Variants in CATSPERD observed in about 807,000 individuals in gnomAD.
CATSPERD encodes the protein cation channel sperm-associated auxiliary subunit delta.
A neutral mutation model predicts 98.1 loss-of-function variants in CATSPERD; 86 were observed. That is an observed-to-expected ratio of 0.88 (90% CI 0.74 to 1.05). The LOEUF is 1.05. Ranked by LOEUF, CATSPERD falls within the 50% of genes least tolerant of loss-of-function variation. The pLI is 0.00. For synonymous variants in CATSPERD, 394 were observed against 390.2 expected (o/e 1.01, Z -0.12); for missense variants, 995 against 1,005.7 (o/e 0.99, Z 0.14).
At chr19:5,773,013 G>T (rs772457363) in intron 20 of CATSPERD, 48 bp downstream of exon 20, 7 of 1,580,086 alleles carry the variant, frequency 4.4e-6, no homozygotes, top group Non-Finnish European at 6.1e-6. Flanking sequence ...AGCCCACCAG[G>T]GGGTGGGAGA....
intron 11 of CATSPERD, among the ~76,000 whole-genome samples, chr19:5,749,384 C>T (rs961478960): frequency 5.3e-5 from 8 of 151,764 alleles, no homozygotes; most frequent in Middle Eastern, 3.2e-3. Flanking sequence ...TCCAGTTACA[C>T]GGGAGGCTGA....
intron 3 of CATSPERD, among the ~76,000 whole-genome samples, chr19:5,728,128 G>T (rs1338855566): frequency 6.6e-6 from 1 of 151,630 alleles, no homozygotes; most frequent in Non-Finnish European, 1.5e-5. Context: ...GGGAGGCCGA[G>T]GTGGGGGGAT....
intron 2 of CATSPERD, among the ~76,000 whole-genome samples, chr19:5,725,802 A>G (rs2055593793): frequency 6.6e-6 from 1 of 151,766 alleles, no homozygotes; most frequent in Admixed American, 6.6e-5. Context: ...CGGGAGGCTG[A>G]GTCAGGAGAA....
At chr19:5,737,103 C>G (rs201852768) in intron 5 of CATSPERD, 35 bp from the exon 6 acceptor site, 5 of 1,409,054 alleles carry the variant, frequency 3.5e-6, no homozygotes, top group Non-Finnish European at 5.0e-6. Context: ...CTTCAGGGAA[C>G]TCATAAACAT....
chr19:5,742,048 AAAG>A (rs1027317497), intron 7 of CATSPERD, among the ~76,000 whole-genome samples: 7 of 151,862 alleles, frequency 4.6e-5, no homozygotes, highest in African/African-American at 1.7e-4. Flanking sequence ...GGAAAAAAAA[AAAG>A]AACAAACAAA....
intron 9 of CATSPERD, 32 bp from the exon 10 acceptor site, chr19:5,748,128 G>A (rs1229790804): frequency 1.9e-6 from 3 of 1,573,440 alleles, no homozygotes; most frequent in East Asian, 2.2e-5. Context: ...GATGTACACG[G>A]GGCCTCATGC....
At chr19:5,741,800 G>GGGGGGGGGGT (rs2055976568) in intron 7 of CATSPERD, among the ~76,000 whole-genome samples, 1 of 75,794 alleles carries the variant, frequency 1.3e-5, no homozygotes, top group Non-Finnish European at 3.3e-5. Context: ...GGGGGGGGGT[G>GGGGGGGGGGT]GTGTGGATCA....
intron 19 of CATSPERD, among the ~76,000 whole-genome samples, 187 bp downstream of exon 19, chr19:5,771,259 CTTTT>C (rs906289622): frequency 6.6e-6 from 1 of 152,138 alleles, no homozygotes; most frequent in Non-Finnish European, 1.5e-5. Context: ...AACACCTTTT[CTTTT>C]TTTGAGACAG....
At chr19:5,778,132 A>G (rs1315704275) in intron 21 of CATSPERD, among the ~76,000 whole-genome samples, 4 of 145,440 alleles carry the variant, frequency 2.8e-5, no homozygotes, top group Non-Finnish European at 6.0e-5. Flanking sequence ...GCTTGAATTC[A>G]GGAGGCGGAG....
Position 5,748,204 on chromosome 19 carries a change from T to C in CATSPERD, c.853T>C (p.Leu285=), listed in dbSNP as rs978603822. The C allele has an allele frequency of 1.2e-6, 2 of 1,614,030 alleles. No individual in the cohort carries two copies. The highest frequency in any genetic ancestry group is 1.7e-6 in the Non-Finnish European group (2 of 1,180,010). The change falls in exon 10 of 22, where the codon TTG becomes CTG. Residue 285 remains leucine (L), a synonymous_variant. Coordinates refer to ENST00000381624, the MANE Select transcript of CATSPERD (RefSeq NM_152784.4). ...CCGGGTGAAAAAAGGAGACCAGACCTTGTTTTCTTCCATTTTTGAAGCCAA... is the reference window on the plus strand; with the variant it reads ...CCGGGTGAAAAAAGGAGACCAGACCCTGTTTTCTTCCATTTTTGAAGCCAA... ...TVRVKKGDQT[L]FSSIFEAKIT... is the part of the protein sequence containing the mutation.
In CATSPERD at chr19:5,737,226, G is replaced by A. The variant is rs773105592; in HGVS notation, c.459+21G>A. The A allele has an allele frequency of 6.4e-6, 10 of 1,552,302 alleles. No homozygotes were observed. The East Asian group carries it at 6.8e-5, about 11-fold the overall frequency. Reference sequence around the variant, plus strand: ...GTGTGGTAAGTATAAGTGTATAATTGTTCATTTTTTTTTGCTCTCCTCTGA... The same window carrying A: ...GTGTGGTAAGTATAAGTGTATAATTATTCATTTTTTTTTGCTCTCCTCTGA... On this transcript the variant is annotated intron_variant, in intron 6 of 21. Coordinates refer to ENST00000381624, the MANE Select transcript of CATSPERD (RefSeq NM_152784.4).
At chr19:5,746,192 C>T in intron 9 of CATSPERD, 129 bp downstream of exon 9, 1 of 942,488 alleles carries the variant, frequency 1.1e-6, no homozygotes, top group Non-Finnish European at 1.6e-6. Context: ...CTTCCATGTT[C>T]AGAGTGGACC....
At chr19:5,748,315 C>A in intron 10 of CATSPERD, 60 bp downstream of exon 10, 1 of 1,478,618 alleles carries the variant, frequency 6.8e-7, no homozygotes, top group Non-Finnish European at 9.4e-7. Flanking sequence ...TAACCGTAGG[C>A]CTGCCAGACC....
intron 15 of CATSPERD, among the ~76,000 whole-genome samples, chr19:5,761,665 G>C (rs1454142816): frequency 5.8e-5 from 1 of 17,208 alleles, no homozygotes; most frequent in Non-Finnish European, 1.7e-4. Context: ...AAGAGAGAGA[G>C]AGAGAGAGAA....
rs1023803352 is a variant in CATSPERD, at chr19:5,742,165, TGC to T, written c.574-2260_574-2259del. Reference sequence around the variant, plus strand: ...GTGTGTACGTGTGTGAACGTGTGTGTGCGTGTGTGTATGTATGTGAACGTGTG... The same window carrying T: ...GTGTGTACGTGTGTGAACGTGTGTGTGTGTGTGTATGTATGTGAACGTGTG... On this transcript the variant is annotated intron_variant, in intron 7 of 21. Transcript: ENST00000381624. 1.2e-4 allele frequency among the ~76,000 whole-genome samples: 17 copies of T among 143,050 alleles called. 1 individual carries two copies. The highest frequency in any genetic ancestry group is 4.4e-4 in the South Asian group (2 of 4,554). 93.8% of individuals were successfully genotyped at this position (143,050 alleles called of 152,430 possible).
intron 13 of CATSPERD, among the ~76,000 whole-genome samples, chr19:5,757,464 A>C (rs886510006): frequency 2.0e-5 from 3 of 151,092 alleles, no homozygotes; most frequent in Non-Finnish European, 4.4e-5. Context: ...TGCCTGGCTA[A>C]TTTTGTATTT....
chr19:5,743,636 C>CTCTCTG (rs1482928091), intron 7 of CATSPERD, among the ~76,000 whole-genome samples: 6 of 127,050 alleles, frequency 4.7e-5, no homozygotes, highest in Non-Finnish European at 1.0e-4. Flanking sequence ...CAGTCTTAGT[C>CTCTCTG]TCTCTGTCTC....
At chr19:5,776,418 C>T in intron 21 of CATSPERD, 103 bp downstream of exon 21, 1 of 1,313,554 alleles carries the variant, frequency 7.6e-7, no homozygotes, top group Non-Finnish European at 1.1e-6. Context: ...CCTGAATTCC[C>T]CCAACAGCCC....
Position 5,760,477 on chromosome 19 carries a change from G to A in CATSPERD, c.1427+1333G>A, listed in dbSNP as rs888158239. ...GCACCTTGAGGACAACATGCTCAGT[G>A]CAATAAGCCGGATACAAAAGGACAA... On this transcript the variant is annotated intron_variant, in intron 15 of 21. Transcript: ENST00000381624. Among the ~76,000 whole-genome samples, 9 of 151,692 alleles carry A rather than the reference G, an allele frequency of 5.9e-5. No homozygotes were observed. The South Asian group carries it at 1.0e-3, about 18-fold the overall frequency.
Sources: gnomAD v4.1 joint callset for allele counts (sites outside exome capture counted in the v4.1 genomes callset) on GRCh38, gnomAD v4.1.1 for gene constraint, MANE v1.5 for transcripts, NCBI Gene and HGNC (gene_info 2026-07-23, HGNC 2026-07-21) for gene names.